APBA2: variants seen among roughly 807,000 people sequenced by gnomAD.
The protein encoded by APBA2 is amyloid beta precursor protein binding family A member 2.
In APBA2, 30 loss-of-function variants were observed where a neutral mutation model predicts 75.0. That is an observed-to-expected ratio of 0.40 (90% CI 0.30 to 0.54). APBA2 has a LOEUF of 0.54. Among genes scored for constraint, APBA2 ranks in the 20% least tolerant of loss-of-function variants. The pLI, the probability that APBA2 is intolerant of heterozygous loss-of-function variation, is 0.49. For synonymous variants in APBA2, 444 were observed against 409.6 expected, an observed-to-expected ratio of 1.08 and a Z score of -1.01; for missense variants, 801 against 1,016.1, an observed-to-expected ratio of 0.79 and a Z score of 2.88.
chr15:29,086,415 G>A (rs553932229), intron 6 of APBA2, among the ~76,000 whole-genome samples: 112 of 152,332 alleles, frequency 7.4e-4, no homozygotes, highest in South Asian at 2.3e-3. Context: ...AATTTGTTAT[G>A]CAGCCAACAA....
intron 3 of APBA2, among the ~76,000 whole-genome samples, chr15:29,004,359 A>C (rs1248362227): frequency 6.6e-6 from 1 of 152,156 alleles, no homozygotes; most frequent in Non-Finnish European, 1.5e-5. Flanking sequence ...CCCAGAGACA[A>C]TCAGTGCTGG....
At chr15:28,934,767 C>T (rs1481858627) in intron 2 of APBA2, among the ~76,000 whole-genome samples, 1 of 152,202 alleles carries the variant, frequency 6.6e-6, no homozygotes, top group Non-Finnish European at 1.5e-5. Context: ...TCACCCAGGG[C>T]TGTCACAGAG....
chr15:28,936,014 T>G (rs2034845907), intron 2 of APBA2, among the ~76,000 whole-genome samples: 1 of 152,222 alleles, frequency 6.6e-6, no homozygotes, highest in African/African-American at 2.4e-5. Context: ...ACATGTTTAT[T>G]TGATTGCTTG....
chr15:28,886,698 G>C (rs1197382522), intron 1 of APBA2, among the ~76,000 whole-genome samples: 1 of 152,156 alleles, frequency 6.6e-6, no homozygotes, highest in Non-Finnish European at 1.5e-5. Flanking sequence ...TACTGAGTTT[G>C]GGGTCGCCTC....
At chr15:28,953,410 C>T (rs537181796) in intron 2 of APBA2, among the ~76,000 whole-genome samples, 1 of 152,184 alleles carries the variant, frequency 6.6e-6, no homozygotes, top group Non-Finnish European at 1.5e-5. Context: ...CTCCCACTCC[C>T]CCCGCCCCAC....
intron 2 of APBA2, among the ~76,000 whole-genome samples, chr15:28,936,841 T>G (rs891829106): frequency 6.6e-6 from 1 of 152,114 alleles, no homozygotes; most frequent in South Asian, 2.1e-4. Flanking sequence ...GGGGCCCTGC[T>G]GGGACAGACA....
chr15:28,910,921 TG>T (rs1208844014), intron 1 of APBA2, among the ~76,000 whole-genome samples: 4 of 152,206 alleles, frequency 2.6e-5, no homozygotes, highest in African/African-American at 7.2e-5. Context: ...TCTTGATTTT[TG>T]GGGCAGTACC....
intron 14 of APBA2, among the ~76,000 whole-genome samples, chr15:29,115,223 T>G (rs2045018786): frequency 1.1e-5 from 1 of 90,958 alleles, no homozygotes; most frequent in Admixed American, 1.8e-4. Context: ...TGAGGCTGAG[T>G]GCGTGGCGAC....
At chr15:29,114,408 A>C (rs11637335) in intron 14 of APBA2, among the ~76,000 whole-genome samples, 1 of 152,098 alleles carries the variant, frequency 6.6e-6, no homozygotes, top group Non-Finnish European at 1.5e-5. Flanking sequence ...TGAACCCCCC[A>C]CAGTCCAGTT....
At chr15:29,019,484 G>A (rs1391464879) in intron 3 of APBA2, among the ~76,000 whole-genome samples, 2 of 152,214 alleles carry the variant, frequency 1.3e-5, no homozygotes, top group Non-Finnish European at 2.9e-5. Context: ...TCTCCCTAGA[G>A]AACCACTCTG....
At chr15:29,103,195 G>A (rs1309099592) in intron 10 of APBA2, among the ~76,000 whole-genome samples, 2 of 152,236 alleles carry the variant, frequency 1.3e-5, no homozygotes, top group Non-Finnish European at 2.9e-5. Flanking sequence ...GCTGGTGAGA[G>A]TTTCCAAGGG....
chr15:28,897,181 C>CAA (rs764871508), intron 1 of APBA2, among the ~76,000 whole-genome samples: 1 of 104,270 alleles, frequency 9.6e-6, no homozygotes, highest in African/African-American at 4.7e-5. Flanking sequence ...GCAAAAGACA[C>CAA]GACACACACA....
chr15:29,053,236 G>GC (rs2152886660), intron 3 of APBA2, among the ~76,000 whole-genome samples: 1 of 152,276 alleles, frequency 6.6e-6, no homozygotes, highest in East Asian at 1.9e-4. Flanking sequence ...GAGCCCTCCA[G>GC]CCTGCCACGC....
chr15:28,927,113 C>T (rs920162906), intron 2 of APBA2, among the ~76,000 whole-genome samples: 2 of 152,106 alleles, frequency 1.3e-5, no homozygotes, highest in African/African-American at 4.8e-5. Context: ...CTGCCTCAGC[C>T]TCCCCAAGTG....
At chr15:29,047,452 A>G (rs2041391750) in intron 3 of APBA2, among the ~76,000 whole-genome samples, 1 of 152,246 alleles carries the variant, frequency 6.6e-6, no homozygotes, top group African/African-American at 2.4e-5. Flanking sequence ...TACCAATCCT[A>G]TCTTCATTTA....
At chr15:28,940,820 A>G (rs943600919) in intron 2 of APBA2, among the ~76,000 whole-genome samples, 1 of 152,210 alleles carries the variant, frequency 6.6e-6, no homozygotes, top group African/African-American at 2.4e-5. Context: ...GTCATAGCAG[A>G]TAATAAAGGA....
At chr15:29,112,174 G>A (rs900775928) in intron 13 of APBA2, among the ~76,000 whole-genome samples, 1 of 152,204 alleles carries the variant, frequency 6.6e-6, no homozygotes, top group African/African-American at 2.4e-5. Context: ...CTTGTATCCC[G>A]GGAGCTGGTG....
intron 4 of APBA2, among the ~76,000 whole-genome samples, chr15:29,059,446 G>T (rs1312740383): frequency 1.3e-5 from 2 of 152,138 alleles, no homozygotes; most frequent in African/African-American, 4.8e-5. Context: ...GGCTAAATTT[G>T]CAGATTCATG....
At chr15:29,008,921 G>A (rs1194273387) in intron 3 of APBA2, among the ~76,000 whole-genome samples, 1 of 152,170 alleles carries the variant, frequency 6.6e-6, no homozygotes, top group African/African-American at 2.4e-5. Flanking sequence ...ATGGCCAGGT[G>A]GGAAGCTGTT....
Sources: allele counts gnomAD v4.1 joint callset (sites outside exome capture counted in the v4.1 genomes callset), GRCh38; gene constraint gnomAD v4.1.1; transcripts MANE v1.5; gene names NCBI Gene and HGNC (gene_info 2026-07-23, HGNC 2026-07-21).